The following BMP2K variants were observed in gnomAD, a reference collection of about 807,000 sequenced individuals.
BMP2K encodes the protein BMP-2-inducible protein kinase.
Under a neutral mutation model 116.0 loss-of-function variants are expected in BMP2K, and 74 were observed. The observed-to-expected ratio is 0.64, with a 90% CI of 0.53 to 0.77. The LOEUF (loss-of-function observed/expected upper bound fraction) is 0.77. Among genes scored for constraint, BMP2K ranks in the 30% least tolerant of loss-of-function variants. BMP2K has a pLI of 0.00. For synonymous variants in BMP2K, 486 were observed against 502.5 expected (o/e 0.97, Z 0.44); for missense variants, 1,365 against 1,403.6 (o/e 0.97, Z 0.44).
rs1251313654 is a variant in BMP2K at position 78,911,604 on chromosome 4, C to T, written c.3057C>T (p.Arg1019=). 3 of 1,613,930 alleles carry T rather than the reference C, an allele frequency of 1.9e-6. No homozygotes were observed. Among genetic ancestry groups the T allele is most frequent in the South Asian group, 1.1e-5 (1 of 91,078 alleles). ...CCTATCGCACTCCAGAGAGGGCTCG[C>T]AGGCACAAAAAAGTGGGCCGCCGAG... ...KPTYRTPERA[R]RHKKVGRRDS... Residue 1019 remains arginine, a synonymous_variant, in exon 16 of 16, where the codon CGC becomes CGT. Coordinates refer to ENST00000502613, the MANE Select transcript of BMP2K (RefSeq NM_198892.2).
chr4:78,783,025 G>C (rs895975517), intron 1 of BMP2K, among the ~76,000 whole-genome samples: 2 of 152,180 alleles, frequency 1.3e-5, no homozygotes, highest in African/African-American at 4.8e-5. Flanking sequence ...TCATAACTAT[G>C]AGTGAACTTT....
At chr4:78,876,962 A>G (rs1732662354) in intron 13 of BMP2K, among the ~76,000 whole-genome samples, 1 of 152,218 alleles carries the variant, frequency 6.6e-6, no homozygotes, top group African/African-American at 2.4e-5. Context: ...TACTATATTT[A>G]GTACTATAGA....
chr4:78,866,776 A>C (rs1447540628), intron 10 of BMP2K, among the ~76,000 whole-genome samples: 4 of 151,986 alleles, frequency 2.6e-5, no homozygotes, highest in Non-Finnish European at 5.9e-5. Context: ...TCAGCCTTCC[A>C]AGTAGCTGGG....
At chr4:78,862,957 TTG>T (rs1264475644) in intron 9 of BMP2K, among the ~76,000 whole-genome samples, 1 of 152,124 alleles carries the variant, frequency 6.6e-6, no homozygotes, top group Non-Finnish European at 1.5e-5. Flanking sequence ...TTGAATTTTA[TTG>T]TGACTTCTGT....
chr4:78,869,504 T>C (rs1444424842), intron 10 of BMP2K, among the ~76,000 whole-genome samples: 2 of 152,086 alleles, frequency 1.3e-5, no homozygotes, highest in Non-Finnish European at 2.9e-5. Context: ...TTCAAATAGG[T>C]AGAAAGAGGA....
intron 15 of BMP2K, among the ~76,000 whole-genome samples, chr4:78,903,586 T>G (rs1430349958): frequency 6.6e-6 from 1 of 151,952 alleles, no homozygotes; most frequent in Admixed American, 6.6e-5. Flanking sequence ...ATGAGAAAAC[T>G]CAGGCTTATT....
intron 15 of BMP2K, among the ~76,000 whole-genome samples, chr4:78,901,294 C>T (rs979567466): frequency 1.3e-5 from 2 of 151,584 alleles, no homozygotes; most frequent in Non-Finnish European, 2.9e-5. Context: ...TTCCTGGTCT[C>T]AAGAAAGCCT....
At chr4:78,845,234 T>G (rs1313554940) in intron 5 of BMP2K, among the ~76,000 whole-genome samples, 185 bp downstream of exon 5, 1 of 151,600 alleles carries the variant, frequency 6.6e-6, no homozygotes, top group Non-Finnish European at 1.5e-5. Context: ...TTGCCATAGA[T>G]GCAGATTTTT....
chr4:78,904,311 G>A (rs1025545197), intron 15 of BMP2K, among the ~76,000 whole-genome samples: 5 of 151,798 alleles, frequency 3.3e-5, no homozygotes, highest in African/African-American at 4.8e-5. Flanking sequence ...CCTAATATAG[G>A]GAGATAAGAG....
chr4:78,911,915 T>G lies in BMP2K; in HGVS notation c.3368T>G (p.Phe1123Cys), dbSNP rs768025835. 1 of 1,613,990 alleles carries G rather than the reference T, an allele frequency of 6.2e-7. No homozygotes were observed. Among genetic ancestry groups the G allele is most frequent in the South Asian group, 1.1e-5 (1 of 91,086 alleles). Reference protein sequence around the residue: ...HSADVLKMDDFGAVPFTELVV... With the variant: ...HSADVLKMDDCGAVPFTELVV... ...GCAGATGTATTGAAAATGGATGATT[T>G]TGGTGCCGTGCCCTTTACAGAACTT... Residue 1123 changes from phenylalanine to cysteine, a missense_variant, in exon 16 of 16, where the codon TTT becomes TGT. By Grantham distance (205) the Phe-to-Cys change is radical. Transcript: ENST00000502613.
At chr4:78,789,397 A>G (rs1026825760) in intron 1 of BMP2K, among the ~76,000 whole-genome samples, 2 of 151,904 alleles carry the variant, frequency 1.3e-5, no homozygotes, top group African/African-American at 2.4e-5. Flanking sequence ...ATTGGCTCCT[A>G]TGCTGTATAG....
At chr4:78,807,955 CT>C (rs1157778752) in intron 1 of BMP2K, among the ~76,000 whole-genome samples, 1 of 152,068 alleles carries the variant, frequency 6.6e-6, no homozygotes, top group East Asian at 1.9e-4. Flanking sequence ...TTTCTCTATA[CT>C]TTTTTTATTT....
intron 1 of BMP2K, among the ~76,000 whole-genome samples, chr4:78,780,397 G>T (rs1005688072): frequency 1.3e-5 from 2 of 152,250 alleles, no homozygotes; most frequent in African/African-American, 4.8e-5. Flanking sequence ...TTACTACAGG[G>T]TTCTTTAAAA....
chr4:78,851,035 C>T lies in BMP2K; in HGVS notation c.862C>T (p.Arg288Cys), dbSNP rs113647501. 285 of 1,610,640 alleles carry T rather than the reference C, an allele frequency of 1.8e-4. 1 individual carries two copies. The highest frequency in any genetic ancestry group is 1.7e-3 in the Middle Eastern group (10 of 6,010). The change falls in exon 7 of 16, where the codon CGT (arginine) becomes TGT (cysteine). Residue 288 changes from arginine to cysteine, a missense_variant. Around this residue, in one of 3 missense-constraint regions of BMP2K, gnomAD observed 762 missense variants for 756.7 expected, o/e 1.01. Transcript: ENST00000502613. ...CATCCCAGACAATTCTCGTTACTCC[C>T]GTAACATACATTGCTTAATAAGTAA... Reference protein sequence around the residue: ...FTIPDNSRYSRNIHCLIRFML... With the variant: ...FTIPDNSRYSCNIHCLIRFML...
intron 14 of BMP2K, among the ~76,000 whole-genome samples, chr4:78,883,787 G>A (rs953233679): frequency 1.3e-5 from 2 of 152,196 alleles, no homozygotes; most frequent in African/African-American, 4.8e-5. Context: ...AGAGGGTCAG[G>A]TGTGGTGGTT....
At chr4:78,890,470 G>C (rs936145836) in intron 15 of BMP2K, among the ~76,000 whole-genome samples, 3 of 151,684 alleles carry the variant, frequency 2.0e-5, no homozygotes, top group Non-Finnish European at 2.9e-5. Context: ...CACAGTTTTT[G>C]GTTGATTCAG....
intron 3 of BMP2K, among the ~76,000 whole-genome samples, chr4:78,840,351 A>G (rs1005212951): frequency 6.6e-6 from 1 of 152,122 alleles, no homozygotes; most frequent in Non-Finnish European, 1.5e-5. Flanking sequence ...TCCCATACAA[A>G]GGGAGGGACC....
At chr4:78,878,672 A>C in intron 13 of BMP2K, 62 bp from the exon 14 acceptor site, 1 of 1,350,700 alleles carries the variant, frequency 7.4e-7, no homozygotes, top group East Asian at 2.5e-5. Context: ...GGGCATTGTA[A>C]ATTTTTATTT....
intron 10 of BMP2K, among the ~76,000 whole-genome samples, chr4:78,867,488 A>G (rs1732113070): frequency 6.6e-6 from 1 of 152,172 alleles, no homozygotes. Flanking sequence ...TCTTTCTTAC[A>G]TGCTTTCAGC....
Sources: allele counts gnomAD v4.1 joint callset (sites outside exome capture counted in the v4.1 genomes callset), GRCh38; gene constraint gnomAD v4.1.1; regional missense constraint gnomAD v4.1.1; transcripts MANE v1.5; gene names NCBI Gene and HGNC (gene_info 2026-07-23, HGNC 2026-07-21).